The following SELENOP variants were observed in gnomAD, a reference collection of about 807,000 sequenced individuals.
SELENOP encodes selenoprotein P, also known as selenoprotein P, plasma, 1.
A neutral mutation model predicts 41.0 loss-of-function variants in SELENOP; 36 were observed. The observed-to-expected ratio is 0.88, with a 90% CI of 0.67 to 1.16. The LOEUF (loss-of-function observed/expected upper bound fraction) is 1.16, where lower values mean the gene tolerates loss of function less well. Ranked by LOEUF, SELENOP falls within the 50% of genes most tolerant of loss-of-function variation. The pLI, the probability that SELENOP is intolerant of heterozygous loss-of-function variation, is 0.00. For missense variants in SELENOP, 440 were observed against 454.2 expected, an observed-to-expected ratio of 0.97 and a Z score of 0.28; for synonymous variants, 144 against 150.8, an observed-to-expected ratio of 0.95 and a Z score of 0.33.
At chr5:42,807,234 A>C in intron 2 of SELENOP, 126 bp from the exon 3 acceptor site, 2 of 514,614 alleles carry the variant, frequency 3.9e-6, no homozygotes, top group South Asian at 6.6e-5. Flanking sequence ...CCCATACTGC[A>C]CCTATTCTTT....
At chr5:42,805,528 G>C (rs958301927) in intron 3 of SELENOP, 1 of 152,184 alleles carries the variant, frequency 6.6e-6, no homozygotes, top group African/African-American at 2.4e-5. Flanking sequence ...ATGGCATAAT[G>C]CATGAATTGA....
chr5:42,810,872 T>G (rs1289687282), intron 1 of SELENOP: 1 of 570,466 alleles, frequency 1.8e-6, no homozygotes, highest in African/African-American at 2.0e-5. Context: ...GAGTTGTAGC[T>G]TAAGAGTTCA....
intron 1 of SELENOP, among the ~76,000 whole-genome samples, chr5:42,810,999 A>G (rs1208728712): frequency 6.6e-6 from 1 of 152,266 alleles, no homozygotes; most frequent in Non-Finnish European, 1.5e-5. Flanking sequence ...CTATATAAAA[A>G]TAATGAAGAT....
Position 42,800,808 on chromosome 5 carries a change from T to G in SELENOP, c.1058A>C (p.Gln353Pro), listed in dbSNP as rs1254201194. 1 of 1,614,196 alleles carries G rather than the reference T, an allele frequency of 6.2e-7. No individual in the cohort carries two copies. Among genetic ancestry groups the G allele is most frequent in the South Asian group, 1.1e-5 (1 of 91,090 alleles). Residue 353 changes from glutamine (Q) to proline (P), a missense_variant, in exon 5 of 5, where the codon CAA (glutamine) becomes CCA (proline). Gln to Pro is a moderately conservative substitution (Grantham distance 76). Coordinates refer to ENST00000514985, the MANE Select transcript of SELENOP (RefSeq NM_005410.4). Reference sequence around the variant, plus strand: ...TGTGGGTATAAGCTGCTGACTTATTTGTCAGGCAGCTGGAGGCAAACGTCA... The same window carrying G: ...TGTGGGTATAAGCTGCTGACTTATTGGTCAGGCAGCTGGAGGCAAACGTCA... ...CQURLPPAAU[Q>P]ISQQLIPTEA...
intron 2 of SELENOP, chr5:42,807,648 G>C (rs552635799): frequency 6.5e-6 from 1 of 154,984 alleles, no homozygotes; most frequent in Non-Finnish European, 1.5e-5. Context: ...TGGTGTATGA[G>C]GGGGATCCTG....
chr5:42,808,312 G>C lies in SELENOP; in HGVS notation c.42C>G (p.Leu14=). The C allele has an allele frequency of 6.8e-7, 1 of 1,469,846 alleles. No individual in the cohort carries two copies. Among genetic ancestry groups the C allele is most frequent in the South Asian group, 1.5e-5 (1 of 68,748 alleles). 91.1% of individuals were successfully genotyped at this position (1,469,846 alleles called of 1,614,324 possible). The part of the protein sequence containing the change: ...SLGLALALCL[L]PSGGTESQDQ... ...CCTGGCTCTCTGTTCCTCCCGATGG[G>C]AGGAGACAGAGAGCCAGGGCAAGCC... Residue 14 remains leucine, a synonymous_variant, in exon 2 of 5, where the codon CTC becomes CTG. Coordinates refer to ENST00000514985, the MANE Select transcript of SELENOP (RefSeq NM_005410.4).
At chr5:42,807,440 G>C (rs1760357979) in intron 2 of SELENOP, 2 of 174,386 alleles carry the variant, frequency 1.1e-5, no homozygotes, top group South Asian at 2.8e-4. Context: ...AAAAAAAGAT[G>C]GCTGCATCTA....
At chr5:42,801,404 G>T in intron 4 of SELENOP, 73 bp from the exon 5 acceptor site, 1 of 1,146,152 alleles carries the variant, frequency 8.7e-7, no homozygotes, top group Non-Finnish European at 1.2e-6. Flanking sequence ...ATGATTTGTA[G>T]AGCTAACATG....
Position 42,800,978 on chromosome 5 carries a change from A to G in SELENOP, c.888T>C (p.Ala296=). 6.2e-7 allele frequency: 1 copy of G among 1,614,232 alleles called. No individual in the cohort carries two copies. The highest frequency in any genetic ancestry group is 8.5e-7 in the Non-Finnish European group (1 of 1,180,034). Residue 296 remains alanine, a synonymous_variant, in exon 5 of 5, where the codon GCT becomes GCC. Coordinates refer to ENST00000514985, the MANE Select transcript of SELENOP (RefSeq NM_005410.4). ...LCKLPTDSEL[A]PRSUCCHCRH... is the part of the protein sequence containing the mutation. ...GACAATGGCAGCATCAGCTCCTAGGAGCCAACTCTGAATCTGTGGGCAATT... is the reference window on the plus strand; with the variant it reads ...GACAATGGCAGCATCAGCTCCTAGGGGCCAACTCTGAATCTGTGGGCAATT...
chr5:42,803,064 A>G (rs1388536501), intron 4 of SELENOP, among the ~76,000 whole-genome samples: 1 of 152,120 alleles, frequency 6.6e-6, no homozygotes, highest in South Asian at 2.1e-4. Flanking sequence ...TTTTTCCTAA[A>G]TACTACATAA....
At chr5:42,804,844 G>GGATA in intron 3 of SELENOP, 71 bp from the exon 4 acceptor site, 2 of 992,888 alleles carry the variant, frequency 2.0e-6, no homozygotes, top group Non-Finnish European at 3.1e-6. Flanking sequence ...ATACAGTCTG[G>GGATA]GATAGGTATT....
Position 42,800,698 on chromosome 5 carries a change from G to A in SELENOP, c.*22C>T, listed in dbSNP as rs1579727540. The A allele has an allele frequency of 5.1e-6, 8 of 1,566,714 alleles. No homozygotes were observed. The highest frequency in any genetic ancestry group is 1.7e-4 in the Middle Eastern group (1 of 5,846). On this transcript the variant is annotated 3_prime_UTR_variant, in exon 5 of 5. Coordinates refer to ENST00000514985, the MANE Select transcript of SELENOP (RefSeq NM_005410.4). The stretch of plus-strand genomic sequence containing the variant: ...GAAATTGTGTCTAGACTAAATTGGG[G>A]AGTATGTCCTATTTTAAATATTTAG...
chr5:42,804,109 T>C (rs575397790), intron 4 of SELENOP, among the ~76,000 whole-genome samples: 1 of 152,350 alleles, frequency 6.6e-6, no homozygotes, highest in African/African-American at 2.4e-5. Flanking sequence ...ACATTGATTT[T>C]TAATTTCTAA....
intron 1 of SELENOP, among the ~76,000 whole-genome samples, chr5:42,808,753 A>G (rs1295712498): frequency 1.9e-4 from 28 of 146,802 alleles, no homozygotes; most frequent in African/African-American, 6.6e-4. Context: ...CTAAAATTAT[A>G]CAAAAAAAAA....
At chr5:42,811,406 C>G (rs1176340626) in intron 1 of SELENOP, among the ~76,000 whole-genome samples, 1 of 152,218 alleles carries the variant, frequency 6.6e-6, no homozygotes, top group Non-Finnish European at 1.5e-5. Flanking sequence ...TATCCCTGGA[C>G]ATTTCTACAA....
intron 1 of SELENOP, chr5:42,809,766 A>G: frequency 3.2e-6 from 3 of 951,348 alleles, no homozygotes; most frequent in Non-Finnish European, 1.3e-6. Context: ...TTACCTATAT[A>G]TGATATCTTG....
chr5:42,805,204 A>G (rs1226665267), intron 3 of SELENOP: 7 of 152,678 alleles, frequency 4.6e-5, no homozygotes, highest in Admixed American at 6.5e-5. Flanking sequence ...AACATCTCCA[A>G]GCCTTGGCCA....
intron 2 of SELENOP, chr5:42,807,691 T>C (rs1174193051): frequency 6.5e-6 from 1 of 154,456 alleles, no homozygotes; most frequent in Non-Finnish European, 1.5e-5. Flanking sequence ...ACTGGATGAC[T>C]GTAAGGAGAA....
intron 2 of SELENOP, 174 bp downstream of exon 2, chr5:42,807,977 T>G: frequency 1.3e-5 from 5 of 375,392 alleles, no homozygotes; most frequent in East Asian, 7.9e-5. Flanking sequence ...ACTGTAAACA[T>G]TTTGGTGTGT....
Sources: gnomAD v4.1 joint callset for allele counts (sites outside exome capture counted in the v4.1 genomes callset) on GRCh38, gnomAD v4.1.1 for gene constraint, MANE v1.5 for transcripts, NCBI Gene and HGNC (gene_info 2026-07-23, HGNC 2026-07-21) for gene names.